TBC1D5: variants seen among roughly 807,000 people sequenced by gnomAD.
TBC1D5 encodes TBC1 domain family member 5.
Under a neutral mutation model 100.3 loss-of-function variants are expected in TBC1D5, and 75 were observed. The ratio of observed to expected loss-of-function variants is 0.75; its 90% CI spans 0.62 to 0.91. The LOEUF (loss-of-function observed/expected upper bound fraction) is 0.91, where lower values mean the gene tolerates loss of function less well. TBC1D5 is among the 40% of genes least tolerant of loss of function. The pLI is 0.00. For synonymous variants in TBC1D5, 323 were observed against 325.6 expected (o/e 0.99, Z 0.09); for missense variants, 910 against 942.4 (o/e 0.97, Z 0.45).
rs941710045 is a variant in TBC1D5, at chr3:17,349,432, TTAAAA to T, written c.995+22638_995+22642del. On this transcript the variant is annotated intron_variant, in intron 13 of 21. Coordinates refer to ENST00000253692, the Ensembl canonical transcript of TBC1D5. ...CCAGTTGTGTGTATGATTTTTCTGT[TTAAAA>T]TAACTAATTACTACTTTTTAAATAT... is the stretch of plus-strand genomic sequence containing the variant. Among the ~76,000 whole-genome samples the T allele has an allele frequency of 2.3e-4, 35 of 152,192 alleles. 1 individual carries two copies. Among genetic ancestry groups the T allele is most frequent in the Admixed American group, 2.2e-3 (33 of 15,274 alleles).
rs115122614 is a variant in TBC1D5 at position 17,484,319 on chromosome 3, T to C, written c.97+24155A>G. 1.9e-3 allele frequency among the ~76,000 whole-genome samples: 294 copies of C among 152,270 alleles called. 1 individual carries two copies. The highest frequency in any genetic ancestry group is 2.5e-3 in the Non-Finnish European group (169 of 68,016). On this transcript the variant is annotated intron_variant, in intron 3 of 21. Coordinates refer to ENST00000253692, the Ensembl canonical transcript of TBC1D5. ...ACAAAACAGTTTACTATGGTGTGCA[T>C]AGAACTAAAACTTCAGAAACAAATT... is the stretch of plus-strand genomic sequence containing the variant.
At chr3:17,360,668 A>G (rs927437552) in intron 13 of TBC1D5, among the ~76,000 whole-genome samples, 1 of 152,036 alleles carries the variant, frequency 6.6e-6, no homozygotes, top group Non-Finnish European at 1.5e-5. Context: ...AGAAATATGC[A>G]TAGCAATCTT....
At chr3:17,510,887 G>C (rs1289709389) in intron 2 of TBC1D5, among the ~76,000 whole-genome samples, 3 of 151,982 alleles carry the variant, frequency 2.0e-5, no homozygotes, top group African/African-American at 4.8e-5. Flanking sequence ...GAGGTAGAGA[G>C]AGAGTAATTA....
rs186766173 is a variant in TBC1D5 at position 17,388,256 on chromosome 3, T to A, written c.510-4241A>T. ...TAGTACACAATAATAACAAGAGCCATCACAAACATGTGGTGTGTAAGTTTT... is the reference window on the plus strand; with the variant it reads ...TAGTACACAATAATAACAAGAGCCAACACAAACATGTGGTGTGTAAGTTTT... On this transcript the variant is annotated intron_variant, in intron 8 of 21. Coordinates refer to ENST00000253692, the Ensembl canonical transcript of TBC1D5. Among the ~76,000 whole-genome samples the A allele has an allele frequency of 1.0e-3, 154 of 152,194 alleles. 2 individuals are homozygous for A. In the South Asian group the frequency reaches 0.018, roughly 18 times the overall value.
At chr3:17,282,063 C>CA (rs1342776709) in intron 15 of TBC1D5, among the ~76,000 whole-genome samples, 3 of 152,102 alleles carry the variant, frequency 2.0e-5, no homozygotes, top group African/African-American at 7.2e-5. Flanking sequence ...TAGGTAGTCA[C>CA]AGCACTTAAA....
At chr3:17,381,326 TA>T (rs1306852196) in intron 9 of TBC1D5, among the ~76,000 whole-genome samples, 29 of 151,806 alleles carry the variant, frequency 1.9e-4, no homozygotes, top group Admixed American at 1.9e-3. Flanking sequence ...TTTCTTTCTC[TA>T]AAAAAAATTG....
chr3:17,382,741 T>C (rs1281457393), intron 9 of TBC1D5, among the ~76,000 whole-genome samples: 6 of 151,960 alleles, frequency 3.9e-5, no homozygotes, highest in Non-Finnish European at 5.9e-5. Flanking sequence ...TGTGGTACTT[T>C]TGTAGAGATG....
Position 17,618,572 on chromosome 3 carries a change from C to T in TBC1D5, c.-36+5277G>A, listed in dbSNP as rs1010438170. Reference sequence around the variant, plus strand: ...TGGGCTCTGCCCAGTTCGAGCTTCCCGGCTGCTTTGTTTTCCTACTTAAGC... The same window carrying T: ...TGGGCTCTGCCCAGTTCGAGCTTCCTGGCTGCTTTGTTTTCCTACTTAAGC... On this transcript the variant is annotated intron_variant, in intron 2 of 21. Coordinates refer to ENST00000253692, the Ensembl canonical transcript of TBC1D5. Among the ~76,000 whole-genome samples the T allele has an allele frequency of 4.6e-5, 7 of 152,218 alleles. No individual in the cohort carries two copies. The South Asian group carries it at 6.2e-4, about 13-fold the overall frequency.
At chr3:17,264,764 T>G (rs1305482647) in intron 15 of TBC1D5, among the ~76,000 whole-genome samples, 2 of 152,156 alleles carry the variant, frequency 1.3e-5, no homozygotes, top group Non-Finnish European at 2.9e-5. Flanking sequence ...AAGGATTAAT[T>G]GACACAATGA....
At chr3:17,264,982 T>C (rs1375670131) in intron 15 of TBC1D5, among the ~76,000 whole-genome samples, 1 of 152,224 alleles carries the variant, frequency 6.6e-6, no homozygotes, top group African/African-American at 2.4e-5. Flanking sequence ...AGGATAGATT[T>C]TGACAGGCAT....
intron 15 of TBC1D5, among the ~76,000 whole-genome samples, chr3:17,278,580 CT>C (rs1007752460): frequency 6.6e-6 from 1 of 152,108 alleles, no homozygotes; most frequent in Non-Finnish European, 1.5e-5. Flanking sequence ...TGCTTCTGTA[CT>C]TTTTGAAAAC....
At chr3:17,651,492 T>C (rs1354581713) in intron 1 of TBC1D5, among the ~76,000 whole-genome samples, 1 of 152,172 alleles carries the variant, frequency 6.6e-6, no homozygotes, top group African/African-American at 2.4e-5. Context: ...ATTAATTTAC[T>C]CCTTGTCCAT....
At chr3:17,620,500 T>C (rs1226846068) in intron 2 of TBC1D5, among the ~76,000 whole-genome samples, 4 of 152,174 alleles carry the variant, frequency 2.6e-5, no homozygotes, top group South Asian at 2.1e-4. Flanking sequence ...TACAAACTTA[T>C]ATGAGGTAAT....
At chr3:17,431,071 A>T (rs1383814036) in intron 3 of TBC1D5, among the ~76,000 whole-genome samples, 1 of 151,982 alleles carries the variant, frequency 6.6e-6, no homozygotes, top group Non-Finnish European at 1.5e-5. Flanking sequence ...TAATAAAATA[A>T]GTATTAATTT....
chr3:17,255,964 A>T (rs1396093569), intron 16 of TBC1D5, among the ~76,000 whole-genome samples: 1 of 152,180 alleles, frequency 6.6e-6, no homozygotes, highest in Non-Finnish European at 1.5e-5. Flanking sequence ...GGAACCCGGG[A>T]GGCGGAGCTT....
intron 1 of TBC1D5, among the ~76,000 whole-genome samples, chr3:17,727,028 T>C (rs890860466): frequency 6.6e-6 from 1 of 152,202 alleles, no homozygotes; most frequent in African/African-American, 2.4e-5. Context: ...AATAGAAATA[T>C]GTATAACGGC....
intron 2 of TBC1D5, among the ~76,000 whole-genome samples, chr3:17,605,782 G>C (rs955752053): frequency 1.3e-5 from 2 of 152,196 alleles, no homozygotes; most frequent in East Asian, 3.9e-4. Flanking sequence ...CTAAGTTTAA[G>C]GGGGAAATAA....
At chr3:17,598,781 T>G (rs944464084) in intron 2 of TBC1D5, among the ~76,000 whole-genome samples, 3 of 152,202 alleles carry the variant, frequency 2.0e-5, no homozygotes, top group Admixed American at 2.0e-4. Flanking sequence ...AATGACTCAG[T>G]AATTTAGATA....
At chr3:17,524,941 TAAAAA>T (rs563661503) in intron 2 of TBC1D5, among the ~76,000 whole-genome samples, 1 of 144,318 alleles carries the variant, frequency 6.9e-6, no homozygotes, top group Non-Finnish European at 1.5e-5. Flanking sequence ...TGCTCTGATG[TAAAAA>T]AAAAAAAATA....
Sources: allele counts gnomAD v4.1 joint callset (sites outside exome capture counted in the v4.1 genomes callset), GRCh38; gene constraint gnomAD v4.1.1; transcripts MANE v1.5; gene names NCBI Gene and HGNC (gene_info 2026-07-23, HGNC 2026-07-21).